Variants in AP2S1 observed in about 807,000 individuals in gnomAD.
AP2S1 encodes the protein AP-2 complex subunit sigma.
Under a neutral mutation model 21.0 loss-of-function variants are expected in AP2S1, and 6 were observed. The ratio of observed to expected loss-of-function variants is 0.29; its 90% CI spans 0.16 to 0.56. The LOEUF (loss-of-function observed/expected upper bound fraction) is 0.56. Among genes scored for constraint, AP2S1 ranks in the 20% least tolerant of loss-of-function variants. The pLI, the probability that AP2S1 is intolerant of heterozygous loss-of-function variation, is 0.92. For missense variants in AP2S1, 60 were observed against 186.2 expected (o/e 0.32, Z 3.95); for synonymous variants, 63 against 74.6 (o/e 0.84, Z 0.80).
intron 1 of AP2S1, among the ~76,000 whole-genome samples, chr19:46,848,798 C>T (rs1052787452): frequency 2.6e-5 from 4 of 152,192 alleles, no homozygotes; most frequent in African/African-American, 7.2e-5. Context: ...ACTGCAACCT[C>T]TACCTCCAGG....
chr19:46,850,366 C>G, intron 1 of AP2S1: 1 of 1,242,926 alleles, frequency 8.0e-7, no homozygotes, highest in Non-Finnish European at 1.0e-6. Flanking sequence ...CTCGCGTTCT[C>G]GTCCCAGCGC....
chr19:46,840,443 C>G (rs1004477884), intron 2 of AP2S1, among the ~76,000 whole-genome samples: 1 of 151,124 alleles, frequency 6.6e-6, no homozygotes, highest in African/African-American at 2.4e-5. Flanking sequence ...GAGTTTCAGG[C>G]CAGCTTGGGC....
At chr19:46,839,675 G>A (rs2055482704) in intron 2 of AP2S1, 97 bp from the exon 3 acceptor site, 1 of 1,564,566 alleles carries the variant, frequency 6.4e-7, no homozygotes, top group African/African-American at 1.3e-5. Flanking sequence ...TCCATACGTG[G>A]TCCCGAGGCC....
chr19:46,842,065 C>T (rs1599765163), intron 2 of AP2S1, among the ~76,000 whole-genome samples: 2 of 152,240 alleles, frequency 1.3e-5, no homozygotes, highest in African/African-American at 4.8e-5. Flanking sequence ...CCTGTAGTCC[C>T]AGCTACTCAG....
chr19:46,841,398 C>T (rs2055518428), intron 2 of AP2S1, among the ~76,000 whole-genome samples: 1 of 152,238 alleles, frequency 6.6e-6, no homozygotes, highest in African/African-American at 2.4e-5. Flanking sequence ...ATCTTTCCAG[C>T]CTCCCTTCCT....
At position 46,838,439 on chromosome 19, in the gene AP2S1, G is replaced by A. The variant is rs775941065; in HGVS notation, c.*8C>T. 6 of 1,613,802 alleles carry A rather than the reference G, an allele frequency of 3.7e-6. No homozygotes were observed. The highest frequency in any genetic ancestry group is 1.7e-5 in the Admixed American group (1 of 60,016). The stretch of plus-strand genomic sequence containing the variant: ...AGGGGCCGGGGCCGGGGTGGGGCTC[G>A]CCTGCCCTCACTCCAGGGACTGTAG... On this transcript the variant is annotated 3_prime_UTR_variant, in exon 5 of 5. Coordinates refer to ENST00000263270, the MANE Select transcript of AP2S1 (RefSeq NM_004069.6). The surrounding 1 kb of genome is among the most constrained non-coding windows in gnomAD (Gnocchi z 4.1).
Position 46,845,982 on chromosome 19 carries a change from G to A in AP2S1, c.153+11C>T. ...AGCAGCGGGGTGCAGGAGGCATGGA[G>A]CGGGCGTCACCTCCACAAAGTTGGT... On this transcript the variant is annotated intron_variant, in intron 2 of 4. Coordinates refer to ENST00000263270, the MANE Select transcript of AP2S1 (RefSeq NM_004069.6). 1 of 1,614,090 alleles carries A rather than the reference G, an allele frequency of 6.2e-7. No individual in the cohort carries two copies. The highest frequency in any genetic ancestry group is 8.5e-7 in the Non-Finnish European group (1 of 1,179,994).
intron 2 of AP2S1, chr19:46,845,760 C>G: frequency 2.0e-6 from 1 of 489,236 alleles, no homozygotes. Context: ...AGTAGGTATA[C>G]GAATCTCCAA....
intron 3 of AP2S1, 26 bp downstream of exon 3, chr19:46,839,439 C>CCCCCCAAA: frequency 6.4e-7 from 1 of 1,569,702 alleles, no homozygotes; most frequent in Non-Finnish European, 8.7e-7. Flanking sequence ...CCCGCCTCCC[C>CCCCCCAAA]ACCTTACATC....
chr19:46,845,778 T>C, intron 2 of AP2S1: 1 of 545,540 alleles, frequency 1.8e-6, no homozygotes, highest in South Asian at 3.3e-5. Context: ...CAATCTACTT[T>C]TCTTTCATTG....
intron 1 of AP2S1, among the ~76,000 whole-genome samples, chr19:46,847,675 T>C (rs2055661405): frequency 6.6e-6 from 1 of 152,184 alleles, no homozygotes; most frequent in South Asian, 2.1e-4. Flanking sequence ...CTGGACATTG[T>C]ATATGAGTGG....
chr19:46,843,160 C>T (rs2055558705), intron 2 of AP2S1, among the ~76,000 whole-genome samples: 1 of 152,162 alleles, frequency 6.6e-6, no homozygotes, highest in Non-Finnish European at 1.5e-5. Context: ...CGCCCTGGCT[C>T]TGCTTTCTCT....
chr19:46,840,787 G>T (rs938044283), intron 2 of AP2S1, among the ~76,000 whole-genome samples: 1 of 139,090 alleles, frequency 7.2e-6, no homozygotes, highest in South Asian at 2.3e-4. Flanking sequence ...GCTCGATCTC[G>T]GCTCACTGCA....
chr19:46,841,887 G>A (rs958036264), intron 2 of AP2S1, among the ~76,000 whole-genome samples: 1 of 152,212 alleles, frequency 6.6e-6, no homozygotes, highest in Non-Finnish European at 1.5e-5. Context: ...GGGACAGTGC[G>A]AGTCAGACAG....
At chr19:46,850,683 T>G (rs766811417) in intron 1 of AP2S1, 81 bp downstream of exon 1, 1 of 1,275,394 alleles carries the variant, frequency 7.8e-7, no homozygotes. Context: ...GAGAAGGGAC[T>G]TGTCAGCGCC....
chr19:46,850,327 AAGAAAAC>A (rs1178587330), intron 1 of AP2S1: 1 of 1,241,414 alleles, frequency 8.1e-7, no homozygotes, highest in Non-Finnish European at 1.0e-6. Context: ...TCCTCCCATC[AAGAAAAC>A]CTCCCTCCCC....
rs1205003425 is a variant in AP2S1 at position 46,838,423 on chromosome 19, G to T, written c.*24C>A. 1 of 1,611,944 alleles carries T rather than the reference G, an allele frequency of 6.2e-7. No homozygotes were observed. Among genetic ancestry groups the T allele is most frequent in the African/African-American group, 1.3e-5 (1 of 75,018 alleles). The stretch of plus-strand genomic sequence containing the variant: ...AGCAGGCGAGTCCAGGAGGGGCCGG[G>T]GCCGGGGTGGGGCTCGCCTGCCCTC... On this transcript the variant is annotated 3_prime_UTR_variant, in exon 5 of 5. Coordinates refer to ENST00000263270, the MANE Select transcript of AP2S1 (RefSeq NM_004069.6). The surrounding 1 kb of genome is among the most constrained non-coding windows in gnomAD (Gnocchi z 4.1).
chr19:46,847,246 T>G (rs940623335), intron 1 of AP2S1, among the ~76,000 whole-genome samples: 13 of 152,152 alleles, frequency 8.5e-5, no homozygotes, highest in Non-Finnish European at 1.5e-4. Flanking sequence ...TTTTTTTTTT[T>G]TTTTTGAGAC....
At position 46,839,451 on chromosome 19, in the gene AP2S1, C is replaced by G; in HGVS notation, c.267+14G>C. 1 of 1,605,084 alleles carries G rather than the reference C, an allele frequency of 6.2e-7. No individual in the cohort carries two copies. Among genetic ancestry groups the G allele is most frequent in the Non-Finnish European group, 8.5e-7 (1 of 1,175,132 alleles). On this transcript the variant is annotated intron_variant, in intron 3 of 4. Coordinates refer to ENST00000263270, the MANE Select transcript of AP2S1 (RefSeq NM_004069.6). ...CCACCCGCCTCCCCACCTTACATCC[C>G]TCTCCCGCCGTACCTCCACGAAGTT...
Sources: gnomAD v4.1 joint callset for allele counts (sites outside exome capture counted in the v4.1 genomes callset) on GRCh38, gnomAD v4.1.1 for gene constraint, Gnocchi (gnomAD v3.1) non-coding constraint, MANE v1.5 for transcripts, NCBI Gene and HGNC (gene_info 2026-07-23, HGNC 2026-07-21) for gene names.